The following EDA2R variants were observed in gnomAD, a reference collection of about 807,000 sequenced individuals.
The protein encoded by EDA2R is ectodysplasin A2 receptor, also known as tumor necrosis factor receptor superfamily member 27.
EDA2R carries 26 observed loss-of-function variants against 20.1 expected under a neutral mutation model. The observed-to-expected ratio is 1.30, with a 90% CI of 0.95 to 1.80. The LOEUF is 1.80. Among genes scored for constraint, EDA2R ranks in the 40% most tolerant of loss-of-function variants. The pLI is 0.00. For synonymous variants in EDA2R, 114 were observed against 88.7 expected (o/e 1.29, Z -1.60); for missense variants, 277 against 228.7 (o/e 1.21, Z -1.36).
rs1006005414 is a variant in EDA2R, at chrX:66,635,303, T to C, written c.-11+3692A>G. ...AAGACAAAGTATAGCCATCCTCATA[T>C]CTATGTTCACAAAATAATAGTAGTC... On this transcript the variant is annotated intron_variant, in intron 1 of 6. Transcript: ENST00000374719. Among the ~76,000 whole-genome samples, 4 of 112,421 alleles carry C rather than the reference T, an allele frequency of 3.6e-5. No homozygotes were observed. The East Asian group carries it at 1.1e-3, about 31-fold the overall frequency.
chrX:66,621,079 C>A (rs1172589100), intron 1 of EDA2R, among the ~76,000 whole-genome samples: 4 of 109,537 alleles, frequency 3.7e-5, no homozygotes. Flanking sequence ...GAGTTCAAGA[C>A]TAGCCTGGCC....
intron 2 of EDA2R, among the ~76,000 whole-genome samples, chrX:66,613,713 C>T (rs1313316012): frequency 1.8e-5 from 2 of 111,468 alleles, no homozygotes; most frequent in Non-Finnish European, 3.8e-5. Flanking sequence ...GTGTTATCTG[C>T]TGATATATTT....
At chrX:66,615,807 C>G (rs1188405414) in intron 2 of EDA2R, 127 bp downstream of exon 2, 1 of 495,222 alleles carries the variant, frequency 2.0e-6, no homozygotes, top group African/African-American at 2.4e-5. Context: ...TCTGTGGATC[C>G]CAGGTTTTAC....
Position 66,596,440 on chromosome X carries a change from G to T in EDA2R, c.*1664C>A, listed in dbSNP as rs975834507. On this transcript the variant is annotated 3_prime_UTR_variant, in exon 7 of 7. Coordinates refer to ENST00000374719, the MANE Select transcript of EDA2R (RefSeq NM_021783.5). ...AAAGTTGGAATTAAGGTGATTCTGG[G>T]TATGGCTTGGGCTGTCCACATAGCA... 4 of 111,684 alleles carry T rather than the reference G, an allele frequency of 3.6e-5. No individual in the cohort carries two copies. Among genetic ancestry groups the T allele is most frequent in the Admixed American group, 1.9e-4 (2 of 10,515 alleles). 9.2% of individuals were successfully genotyped at this position (111,684 alleles called of 1,213,427 possible).
At chrX:66,610,915 C>T (rs1014361850) in intron 2 of EDA2R, among the ~76,000 whole-genome samples, 4 of 111,326 alleles carry the variant, frequency 3.6e-5, no homozygotes, top group African/African-American at 6.5e-5. Flanking sequence ...GCTTCTTTGT[C>T]CTGTGGGTCT....
chrX:66,614,465 G>A (rs1264455701), intron 2 of EDA2R, among the ~76,000 whole-genome samples: 1 of 112,068 alleles, frequency 8.9e-6, no homozygotes, highest in Non-Finnish European at 1.9e-5. Context: ...GAGCAAAGAT[G>A]GGACTCATGC....
At chrX:66,630,850 C>A (rs1569258151) in intron 1 of EDA2R, among the ~76,000 whole-genome samples, 1 of 107,225 alleles carries the variant, frequency 9.3e-6, no homozygotes, top group African/African-American at 3.4e-5. Flanking sequence ...CACACACACA[C>A]AAACACACGT....
chrX:66,609,160 T>C (rs1478039827), intron 2 of EDA2R, among the ~76,000 whole-genome samples: 1 of 112,110 alleles, frequency 8.9e-6, no homozygotes, highest in Non-Finnish European at 1.9e-5. Context: ...GCTTCCTGAA[T>C]GGCTGAGAAG....
chrX:66,604,424 GA>G lies in EDA2R; in HGVS notation c.348del (p.Gln117AsnfsTer6). The G allele has an allele frequency of 8.3e-7, 1 of 1,207,436 alleles. No homozygotes were observed. Among genetic ancestry groups the G allele is most frequent in the South Asian group, 1.8e-5 (1 of 56,041 alleles). The part of the protein sequence containing the change: ...PCTKQTPTSE[V>X]QCAFQLSLVE... ...AAGAAGAGAACTGGGTACACACATT[GA>G]ACCTCAGAGGTGGGGGTCTGCTTCG... On this transcript the variant is annotated frameshift_variant, in exon 4 of 7. Coordinates refer to ENST00000374719, the MANE Select transcript of EDA2R (RefSeq NM_021783.5). LOFTEE classifies it high-confidence loss of function.
chrX:66,628,993 T>C, intron 1 of EDA2R, among the ~76,000 whole-genome samples: 1 of 111,761 alleles, frequency 8.9e-6, no homozygotes, highest in Middle Eastern at 4.6e-3. Context: ...TAATCCACCA[T>C]GATCAAGTGG....
chrX:66,632,308 C>T (rs1933900866), intron 1 of EDA2R, among the ~76,000 whole-genome samples: 2 of 111,114 alleles, frequency 1.8e-5, no homozygotes, highest in African/African-American at 6.6e-5. Context: ...CCTGTAGTCC[C>T]AGCTACTCGG....
Position 66,605,071 on chromosome X carries a change from A to G in EDA2R, c.243T>C (p.Ala81=), listed in dbSNP as rs1321377665. The change falls in exon 3 of 7, where the codon GCT becomes GCC. Residue 81 remains alanine, a synonymous_variant. Transcript: ENST00000374719. ...QKVNCTATSN[A]VCGDCLPRFY... is the part of the protein sequence containing the mutation. ...ACCTGGGCAAACAGTCCCCACAGAC[A>G]GCATTAGAGGTAGCTGTGCAGTTGA... The G allele has an allele frequency of 8.3e-7, 1 of 1,207,479 alleles. No homozygotes were observed. Among genetic ancestry groups the G allele is most frequent in the Non-Finnish European group, 1.1e-6 (1 of 893,367 alleles).
intron 5 of EDA2R, among the ~76,000 whole-genome samples, 193 bp downstream of exon 5, chrX:66,602,440 C>T (rs1489141577): frequency 2.7e-5 from 3 of 110,980 alleles, no homozygotes; most frequent in Admixed American, 9.6e-5. Flanking sequence ...TCAGGGTTGG[C>T]TTCAGTAATC....
chrX:66,611,393 G>T (rs972604166), intron 2 of EDA2R, among the ~76,000 whole-genome samples: 5 of 111,715 alleles, frequency 4.5e-5, no homozygotes, highest in Admixed American at 9.5e-5. Flanking sequence ...GCAGATGTTG[G>T]AATGATTGAA....
chrX:66,626,212 G>A (rs1446002189), intron 1 of EDA2R, among the ~76,000 whole-genome samples: 5 of 111,818 alleles, frequency 4.5e-5, no homozygotes, highest in East Asian at 2.8e-4. Flanking sequence ...GTTATTAAGC[G>A]AATCAGGGAG....
chrX:66,613,422 A>C (rs751352420), intron 2 of EDA2R, among the ~76,000 whole-genome samples: 1 of 112,016 alleles, frequency 8.9e-6, no homozygotes, highest in Non-Finnish European at 1.9e-5. Flanking sequence ...CAAATGGGCA[A>C]ATAAACACAG....
intron 1 of EDA2R, 138 bp from the exon 2 acceptor site, chrX:66,616,168 A>G: frequency 2.2e-6 from 1 of 456,279 alleles, no homozygotes. Context: ...CCAACACAAA[A>G]GAGTTAATGC....
rs763325503 is a variant in EDA2R at position 66,605,174 on chromosome X, C to A, written c.140G>T (p.Arg47Leu). 1.7e-6 allele frequency: 2 copies of A among 1,209,739 alleles called. No individual in the cohort carries two copies. The highest frequency in any genetic ancestry group is 2.2e-6 in the Non-Finnish European group (2 of 894,636). ...GDAYCTACPPRRYKSSWGHHR... is the reference protein window; with the variant it reads ...GDAYCTACPPLRYKSSWGHHR... Reference sequence around the variant, plus strand: ...GTGGCCCCAGCTGCTTTTGTACCTGCGAGGAGGGCAGGCTGTGCAGTAGGC... The same window carrying A: ...GTGGCCCCAGCTGCTTTTGTACCTGAGAGGAGGGCAGGCTGTGCAGTAGGC... The change falls in exon 3 of 7, where the codon CGC becomes CTC. Residue 47 changes from arginine to leucine, a missense_variant. Transcript: ENST00000374719.
chrX:66,606,264 G>T (rs1410609044), intron 2 of EDA2R, among the ~76,000 whole-genome samples: 1 of 111,662 alleles, frequency 9.0e-6, no homozygotes, highest in Non-Finnish European at 1.9e-5. Flanking sequence ...ATTTCTCCTG[G>T]GAACACCATT....
Sources: allele counts gnomAD v4.1 joint callset (sites outside exome capture counted in the v4.1 genomes callset), GRCh38; gene constraint gnomAD v4.1.1; transcripts MANE v1.5; gene names NCBI Gene and HGNC (gene_info 2026-07-23, HGNC 2026-07-21).